Variants in FHOD3 observed in about 807,000 individuals in gnomAD.
The protein encoded by FHOD3 is formin homology 2 domain containing 3, also known as FH1/FH2 domain-containing protein 3.
Under a neutral mutation model 173.0 loss-of-function variants are expected in FHOD3, and 90 were observed. The ratio of observed to expected loss-of-function variants is 0.52; its 90% CI spans 0.44 to 0.62. The LOEUF (loss-of-function observed/expected upper bound fraction) is 0.62. FHOD3 is among the 20% of genes least tolerant of loss of function. The pLI, the probability that FHOD3 is intolerant of heterozygous loss-of-function variation, is 0.00. For missense variants in FHOD3, 1,945 were observed against 2,034.7 expected, an observed-to-expected ratio of 0.96 and a Z score of 0.85; for synonymous variants, 828 against 823.0, an observed-to-expected ratio of 1.01 and a Z score of -0.10.
chr18:36,355,492 C>G (rs779378028), intron 1 of FHOD3, 47 bp from the exon 2 acceptor site: 1 of 1,475,948 alleles, frequency 6.8e-7, no homozygotes, highest in Non-Finnish European at 9.5e-7. Flanking sequence ...CATATGTAGT[C>G]TCCATCTGAG....
chr18:36,453,939 G>A (rs538624514), intron 3 of FHOD3, among the ~76,000 whole-genome samples: 2 of 152,242 alleles, frequency 1.3e-5, no homozygotes, highest in Non-Finnish European at 2.9e-5. Context: ...CTCTTATACT[G>A]GTTTGAGCAA....
intron 13 of FHOD3, among the ~76,000 whole-genome samples, chr18:36,654,526 C>G (rs763156616): frequency 6.6e-6 from 1 of 152,040 alleles, no homozygotes; most frequent in Non-Finnish European, 1.5e-5. Context: ...CTATGTATAC[C>G]TACTTGGCAA....
intron 9 of FHOD3, 92 bp downstream of exon 9, chr18:36,612,187 A>G (rs1322776774): frequency 7.4e-7 from 1 of 1,351,398 alleles, no homozygotes; most frequent in Non-Finnish European, 1.0e-6. Context: ...CGTAAAGCGT[A>G]TGAGCACCAC....
chr18:36,696,324 C>A (rs901252809), intron 17 of FHOD3, among the ~76,000 whole-genome samples: 3 of 152,182 alleles, frequency 2.0e-5, no homozygotes, highest in African/African-American at 7.2e-5. Flanking sequence ...GCAAAAATTG[C>A]AGCCTACATT....
At chr18:36,327,800 A>T (rs574298030) in intron 1 of FHOD3, among the ~76,000 whole-genome samples, 88 of 152,352 alleles carry the variant, frequency 5.8e-4, no homozygotes, top group African/African-American at 2.0e-3. Context: ...ATAGTATTTT[A>T]GTATTTTAGG....
chr18:36,643,979 C>G (rs543126419), intron 10 of FHOD3, among the ~76,000 whole-genome samples: 1 of 152,078 alleles, frequency 6.6e-6, no homozygotes, highest in African/African-American at 2.4e-5. Context: ...TTTGGAAGCC[C>G]GAGAAACATG....
chr18:36,595,930 C>A (rs192507689), intron 7 of FHOD3, among the ~76,000 whole-genome samples: 118 of 152,164 alleles, frequency 7.8e-4, no homozygotes, highest in African/African-American at 2.7e-3. Flanking sequence ...ACTACTGTTA[C>A]AATCATAAAA....
At chr18:36,424,348 T>C (rs2050137377) in intron 3 of FHOD3, among the ~76,000 whole-genome samples, 1 of 152,216 alleles carries the variant, frequency 6.6e-6, no homozygotes, top group African/African-American at 2.4e-5. Context: ...CCCGTATGCC[T>C]TCTGGTGTTA....
At chr18:36,329,556 C>T (rs2145175794) in intron 1 of FHOD3, among the ~76,000 whole-genome samples, 1 of 152,174 alleles carries the variant, frequency 6.6e-6, no homozygotes, top group South Asian at 2.1e-4. Flanking sequence ...AGTCACAGGC[C>T]TGCTATGGCC....
intron 6 of FHOD3, among the ~76,000 whole-genome samples, chr18:36,587,606 A>G (rs1232459266): frequency 6.6e-6 from 1 of 152,110 alleles, no homozygotes; most frequent in African/African-American, 2.4e-5. Context: ...AGCCTGACCA[A>G]TATGGAGAAA....
chr18:36,594,939 G>A, intron 7 of FHOD3, 41 bp downstream of exon 7: 1 of 1,318,560 alleles, frequency 7.6e-7, no homozygotes, highest in Non-Finnish European at 1.1e-6. Flanking sequence ...AGGTGAAGGT[G>A]TCTAATGTAG....
intron 21 of FHOD3, 150 bp from the exon 22 acceptor site, chr18:36,742,587 C>T (rs750923319): frequency 1.3e-5 from 11 of 846,728 alleles, no homozygotes; most frequent in East Asian, 7.9e-5. Flanking sequence ...CCCTGCCACA[C>T]GTTTCCATAC....
chr18:36,571,964 A>T (rs2058467951), intron 5 of FHOD3, among the ~76,000 whole-genome samples: 1 of 152,196 alleles, frequency 6.6e-6, no homozygotes, highest in Admixed American at 6.5e-5. Flanking sequence ...CATGACCCAC[A>T]GCTGGGTAAG....
intron 3 of FHOD3, among the ~76,000 whole-genome samples, chr18:36,458,666 GTTTTTTTTTTTTTTT>G (rs35141522): frequency 1.9e-5 from 2 of 104,724 alleles, no homozygotes; most frequent in African/African-American, 7.0e-5. Flanking sequence ...TTTTTGTTAG[GTTTTTTTTTTTTTTT>G]TTTTTTTGGA....
intron 10 of FHOD3, among the ~76,000 whole-genome samples, chr18:36,641,161 T>C (rs1439362292): frequency 6.6e-6 from 1 of 151,672 alleles, no homozygotes; most frequent in Non-Finnish European, 1.5e-5. Flanking sequence ...GGATGTCCCT[T>C]GGAGCCAGGG....
At chr18:36,729,449 G>A (rs997319297) in intron 19 of FHOD3, among the ~76,000 whole-genome samples, 2 of 152,180 alleles carry the variant, frequency 1.3e-5, no homozygotes, top group African/African-American at 4.8e-5. Flanking sequence ...AGTTTGCTAA[G>A]GCTGCCATAA....
chr18:36,540,697 G>A (rs1487879734), intron 5 of FHOD3, among the ~76,000 whole-genome samples: 2 of 152,152 alleles, frequency 1.3e-5, no homozygotes, highest in Non-Finnish European at 2.9e-5. Context: ...AAGGAAGGGT[G>A]ATTGACTGGA....
chr18:36,485,552 A>G (rs1354441725), intron 3 of FHOD3, among the ~76,000 whole-genome samples: 3 of 152,190 alleles, frequency 2.0e-5, no homozygotes, highest in African/African-American at 4.8e-5. Context: ...ACTGACTCAG[A>G]TGAGACAAGT....
chr18:36,768,392 T>C (rs1376189702), intron 27 of FHOD3, among the ~76,000 whole-genome samples: 1 of 152,194 alleles, frequency 6.6e-6, no homozygotes, highest in Non-Finnish European at 1.5e-5. Context: ...ACAATACAGA[T>C]CAAAAATAAA....
Sources: allele counts gnomAD v4.1 joint callset (sites outside exome capture counted in the v4.1 genomes callset), GRCh38; gene constraint gnomAD v4.1.1; transcripts MANE v1.5; gene names NCBI Gene and HGNC (gene_info 2026-07-23, HGNC 2026-07-21).